Variants in SGTB observed in about 807,000 individuals in gnomAD.
The protein encoded by SGTB is small glutamine-rich tetratricopeptide repeat-containing protein beta.
Under a neutral mutation model 43.9 loss-of-function variants are expected in SGTB, and 19 were observed. That is an observed-to-expected ratio of 0.43 (90% CI 0.30 to 0.63). The LOEUF is 0.63. Ranked by LOEUF, SGTB falls within the 30% of genes least tolerant of loss-of-function variation. The pLI, the probability that SGTB is intolerant of heterozygous loss-of-function variation, is 0.12. For missense variants in SGTB, 304 were observed against 358.9 expected, an observed-to-expected ratio of 0.85 and a Z score of 1.24; for synonymous variants, 116 against 117.3, an observed-to-expected ratio of 0.99 and a Z score of 0.07.
At chr5:65,691,695 C>A (rs1469890704) in intron 5 of SGTB, among the ~76,000 whole-genome samples, 1 of 150,740 alleles carries the variant, frequency 6.6e-6, no homozygotes, top group African/African-American at 2.4e-5. Flanking sequence ...AATCCCAGCA[C>A]TTTGGGAGGC....
intron 8 of SGTB, among the ~76,000 whole-genome samples, chr5:65,673,339 T>C (rs991690318): frequency 1.3e-5 from 2 of 152,176 alleles, no homozygotes; most frequent in African/African-American, 4.8e-5. Context: ...TTGTTTCCTA[T>C]AGTAGCGGTC....
chr5:65,668,271 G>A lies in SGTB; in HGVS notation c.*1975C>T, dbSNP rs1164896728. On this transcript the variant is annotated 3_prime_UTR_variant, in exon 11 of 11. Transcript: ENST00000381007. ...CCCGGCCAATTAGTCTTTTGATAAG[G>A]GTTCTATAAGGCCTAATCATCTGCA... is the stretch of plus-strand genomic sequence containing the variant. 6.6e-6 allele frequency: 1 copy of A among 151,702 alleles called. No individual in the cohort carries two copies. Among genetic ancestry groups the A allele is most frequent in the African/African-American group, 2.4e-5 (1 of 41,246 alleles). The allele number at this position is 151,702 out of a possible 1,614,324, so 9.4% of individuals were successfully genotyped here. A position where few individuals can be genotyped will look rare whatever the true frequency, so the allele number is the denominator to read the frequency against.
intron 5 of SGTB, among the ~76,000 whole-genome samples, chr5:65,696,197 T>C (rs192949757): frequency 1.7e-4 from 26 of 152,354 alleles, no homozygotes; most frequent in African/African-American, 6.3e-4. Flanking sequence ...CAAGTTCTAC[T>C]GGTCCTTCAA....
upstream of SGTB, chr5:65,722,223 GC>G: frequency 2.4e-6 from 1 of 416,132 alleles, no homozygotes. Context: ...GCGTGGAGCT[GC>G]CGCACGTGGG....
intron 8 of SGTB, among the ~76,000 whole-genome samples, chr5:65,679,968 G>C (rs192537125): frequency 6.6e-6 from 1 of 152,220 alleles, no homozygotes; most frequent in South Asian, 2.1e-4. Flanking sequence ...ATACACCATG[G>C]AATGCTATGC....
At chr5:65,703,789 G>A (rs1057168781) in intron 5 of SGTB, among the ~76,000 whole-genome samples, 7 of 151,960 alleles carry the variant, frequency 4.6e-5, no homozygotes, top group Non-Finnish European at 1.0e-4. Flanking sequence ...TGTAATCCCA[G>A]CACTTTGGGA....
At chr5:65,705,273 C>CG (rs566810504) in intron 4 of SGTB, among the ~76,000 whole-genome samples, 15 of 151,256 alleles carry the variant, frequency 9.9e-5, no homozygotes, top group African/African-American at 2.4e-5. Flanking sequence ...TGGGACCCCC[C>CG]CTCATCTCAA....
intron 6 of SGTB, 104 bp from the exon 7 acceptor site, chr5:65,680,898 C>A: frequency 8.1e-7 from 1 of 1,229,226 alleles, no homozygotes; most frequent in South Asian, 1.5e-5. Context: ...AGTTCTAATC[C>A]AGATTACACT....
At chr5:65,692,058 T>C (rs1579867150) in intron 5 of SGTB, among the ~76,000 whole-genome samples, 1 of 151,864 alleles carries the variant, frequency 6.6e-6, no homozygotes, top group East Asian at 1.9e-4. Context: ...GATTATAACA[T>C]ATTGAATAGC....
chr5:65,673,661 AT>A (rs71305036), intron 8 of SGTB, among the ~76,000 whole-genome samples: 12 of 146,956 alleles, frequency 8.2e-5, no homozygotes, highest in East Asian at 2.0e-4. Flanking sequence ...CTATAGGGCT[AT>A]TTTTTTTTTT....
chr5:65,704,037 A>C (rs1033941360), intron 5 of SGTB, among the ~76,000 whole-genome samples: 1 of 60,146 alleles, frequency 1.7e-5, no homozygotes, highest in African/African-American at 7.5e-5. Flanking sequence ...CTCCGTCTCA[A>C]AAAAAAAAAA....
intron 8 of SGTB, among the ~76,000 whole-genome samples, chr5:65,679,458 A>G (rs1015821944): frequency 6.6e-6 from 1 of 152,182 alleles, no homozygotes; most frequent in African/African-American, 2.4e-5. Context: ...CTCTACTGAC[A>G]ATACAATAAT....
chr5:65,681,319 A>G (rs545979865), intron 6 of SGTB, among the ~76,000 whole-genome samples: 1 of 152,352 alleles, frequency 6.6e-6, no homozygotes, highest in East Asian at 1.9e-4. Context: ...GGTAGATAAA[A>G]TTAGCATCCT....
intron 5 of SGTB, among the ~76,000 whole-genome samples, chr5:65,703,357 G>T (rs1365672938): frequency 1.3e-5 from 2 of 152,176 alleles, no homozygotes; most frequent in Non-Finnish European, 2.9e-5. Context: ...ATGAAAGACT[G>T]CAATAAAATA....
intron 2 of SGTB, among the ~76,000 whole-genome samples, chr5:65,714,533 G>A (rs1041333907): frequency 1.6e-4 from 25 of 152,206 alleles, no homozygotes; most frequent in African/African-American, 5.8e-4. Flanking sequence ...TGTCGTTGGA[G>A]GCCAGGTTCG....
upstream of SGTB, chr5:65,722,521 C>A: frequency 9.6e-7 from 1 of 1,039,212 alleles, no homozygotes; most frequent in Non-Finnish European, 1.4e-6. Flanking sequence ...CTCTCCGACG[C>A]TCCCGGGACG....
At chr5:65,680,010 G>A (rs182200959) in intron 8 of SGTB, among the ~76,000 whole-genome samples, 15 of 152,268 alleles carry the variant, frequency 9.9e-5, no homozygotes, top group South Asian at 6.2e-4. Context: ...TATGTCCCTC[G>A]CAGGGACATG....
At position 65,685,444 on chromosome 5, in the gene SGTB, A is replaced by G; in HGVS notation, c.403T>C (p.Tyr135His). The G allele has an allele frequency of 6.2e-7, 1 of 1,614,158 alleles. No homozygotes were observed. The highest frequency in any genetic ancestry group is 1.6e-4 in the Middle Eastern group (1 of 6,062). Reference protein sequence around the residue: ...RAAAQSKLGHYTDAIKDCEKA... With the variant: ...RAAAQSKLGHHTDAIKDCEKA... ...TCACAATCCTTTATCGCATCTGTGT[A>G]GTGACCTAATTTGCTCTGAGCAGCA... Residue 135 changes from tyrosine to histidine, a missense_variant, in exon 6 of 11, where the codon TAC (tyrosine) becomes CAC (histidine). Tyr to His is a moderately conservative substitution (Grantham distance 83). Coordinates refer to ENST00000381007, the MANE Select transcript of SGTB (RefSeq NM_019072.3).
In SGTB at chr5:65,687,221, A is replaced by C. The variant is rs541333788; in HGVS notation, c.375-1749T>G. Among the ~76,000 whole-genome samples, 18 of 152,326 alleles carry C rather than the reference A, an allele frequency of 1.2e-4. No homozygotes were observed. The East Asian group carries it at 2.3e-3, about 20-fold the overall frequency. ...TCCCATCATAGCCTGGTTTCCACAA[A>C]GCAGATTAACAACATGTGAGTCTGG... is the stretch of plus-strand genomic sequence containing the variant. On this transcript the variant is annotated intron_variant, in intron 5 of 10. Coordinates refer to ENST00000381007, the MANE Select transcript of SGTB (RefSeq NM_019072.3).
Sources: gnomAD v4.1 joint callset for allele counts (sites outside exome capture counted in the v4.1 genomes callset) on GRCh38, gnomAD v4.1.1 for gene constraint, MANE v1.5 for transcripts, NCBI Gene and HGNC (gene_info 2026-07-23, HGNC 2026-07-21) for gene names.